The following CFAP90 variants were observed in gnomAD, a reference collection of about 807,000 sequenced individuals.
The protein encoded by CFAP90 is cilia- and flagella-associated protein 90.
chr5:7,850,383 C>T, the CFAP90 span, among the ~76,000 whole-genome samples: 1 of 151,764 alleles, frequency 6.6e-6, no homozygotes, highest in Non-Finnish European at 1.5e-5. Context: ...AAGGTGCGCT[C>T]CTCCTCTAGG....
chr5:7,832,725 T>A, the CFAP90 span, among the ~76,000 whole-genome samples: 1 of 152,122 alleles, frequency 6.6e-6, no homozygotes, highest in Non-Finnish European at 1.5e-5. Flanking sequence ...TGACCTCAAG[T>A]GATCCACCCA....
At chr5:7,830,547 T>A in the CFAP90 span, 1 of 152,340 alleles carries the variant, frequency 6.6e-6, no homozygotes, top group East Asian at 1.9e-4. Context: ...CGAAATAAAC[T>A]ACTGCCATTT....
chr5:7,831,810 C>G, the CFAP90 span: 2 of 1,575,926 alleles, frequency 1.3e-6, no homozygotes, highest in Non-Finnish European at 1.7e-6. Context: ...CTTGCCAGGC[C>G]ACAGGGTATC....
chr5:7,843,704 T>A, the CFAP90 span, among the ~76,000 whole-genome samples: 3 of 152,174 alleles, frequency 2.0e-5, no homozygotes, highest in African/African-American at 7.2e-5. Context: ...CCACAGGGGC[T>A]GAAACTCGAA....
At chr5:7,847,363 T>A in the CFAP90 span, among the ~76,000 whole-genome samples, 4 of 152,300 alleles carry the variant, frequency 2.6e-5, no homozygotes, top group African/African-American at 9.6e-5. Flanking sequence ...TGGAAAAAAA[T>A]TGTTTTTTCA....
chr5:7,840,424 TCCCTA>T, the CFAP90 span, among the ~76,000 whole-genome samples: 1 of 151,726 alleles, frequency 6.6e-6, no homozygotes, highest in Non-Finnish European at 1.5e-5. Context: ...AAATGGGGAG[TCCCTA>T]CCTTAAAAGA....
At chr5:7,847,178 A>T in the CFAP90 span, among the ~76,000 whole-genome samples, 1 of 152,156 alleles carries the variant, frequency 6.6e-6, no homozygotes, top group South Asian at 2.1e-4. Flanking sequence ...TGAGGAGTGG[A>T]TTATTACCAT....
chr5:7,846,473 C>T, the CFAP90 span, among the ~76,000 whole-genome samples: 2 of 152,182 alleles, frequency 1.3e-5, no homozygotes, highest in African/African-American at 4.8e-5. Context: ...CTACATGACA[C>T]GTTCTCATTG....
chr5:7,832,057 C>G, the CFAP90 span: 3 of 1,595,256 alleles, frequency 1.9e-6, no homozygotes, highest in South Asian at 3.3e-5. Flanking sequence ...AGCACATAGT[C>G]AGCACCACTG....
chr5:7,837,516 G>C, the CFAP90 span, among the ~76,000 whole-genome samples: 53 of 152,182 alleles, frequency 3.5e-4, no homozygotes, highest in Non-Finnish European at 6.2e-4. Flanking sequence ...AAGGATGCAA[G>C]ACTTTATACA....
At chr5:7,837,229 C>T in the CFAP90 span, among the ~76,000 whole-genome samples, 2 of 151,892 alleles carry the variant, frequency 1.3e-5, no homozygotes, top group East Asian at 3.9e-4. Context: ...TTTCTGAGTA[C>T]AAAAGAAAAT....
the CFAP90 span, among the ~76,000 whole-genome samples, chr5:7,842,661 TG>T: frequency 6.6e-6 from 1 of 152,102 alleles, no homozygotes; most frequent in Admixed American, 6.5e-5. Flanking sequence ...TCCAAGCAAT[TG>T]CACCAAGAGC....
At chr5:7,843,937 A>T in the CFAP90 span, among the ~76,000 whole-genome samples, 142 of 152,034 alleles carry the variant, frequency 9.3e-4, 5 homozygotes, top group South Asian at 0.028. Context: ...ACAAACATGC[A>T]CTCAATGAAA....
the CFAP90 span, among the ~76,000 whole-genome samples, chr5:7,835,068 A>C: frequency 6.6e-6 from 1 of 152,374 alleles, no homozygotes; most frequent in Admixed American, 6.5e-5. Context: ...GTTCCAGTGC[A>C]TATACAAGTT....
At chr5:7,838,439 G>T in the CFAP90 span, among the ~76,000 whole-genome samples, 1 of 152,218 alleles carries the variant, frequency 6.6e-6, no homozygotes, top group African/African-American at 2.4e-5. Flanking sequence ...CAGAGGCTAA[G>T]CAAACATTTT....
chr5:7,830,986 C>T, the CFAP90 span: 1 of 152,176 alleles, frequency 6.6e-6, no homozygotes, highest in Admixed American at 6.5e-5. Context: ...CACTGGGTAC[C>T]TGTGTTATGC....
chr5:7,836,697 G>C, the CFAP90 span, among the ~76,000 whole-genome samples: 760 of 152,312 alleles, frequency 5.0e-3, 9 homozygotes, highest in African/African-American at 0.017. Flanking sequence ...AGTCTGTCCA[G>C]GTGTCTTAAC....
chr5:7,848,810 T>C, the CFAP90 span, among the ~76,000 whole-genome samples: 11 of 152,210 alleles, frequency 7.2e-5, no homozygotes, highest in African/African-American at 2.4e-4. Context: ...GCCTCTTCAC[T>C]GTGCACTCAT....
the CFAP90 span, among the ~76,000 whole-genome samples, chr5:7,847,415 C>T: frequency 1.3e-5 from 2 of 149,628 alleles, no homozygotes; most frequent in East Asian, 4.0e-4. Context: ...TCCATACCTA[C>T]CTTCCAGAAG....
Sources: allele counts gnomAD v4.1 joint callset (sites outside exome capture counted in the v4.1 genomes callset), GRCh38; gene constraint gnomAD v4.1.1; transcripts MANE v1.5; gene names NCBI Gene and HGNC (gene_info 2026-07-23, HGNC 2026-07-21).